Variants in FRMPD4 observed in about 807,000 individuals in gnomAD.
FRMPD4 encodes the protein FERM and PDZ domain-containing protein 4.
FRMPD4 carries 22 observed loss-of-function variants against 94.1 expected under a neutral mutation model. The ratio of observed to expected loss-of-function variants is 0.23; its 90% CI spans 0.17 to 0.33. The LOEUF is 0.33. Ranked by LOEUF, FRMPD4 falls within the 10% of genes least tolerant of loss-of-function variation. The pLI, the probability that FRMPD4 is intolerant of heterozygous loss-of-function variation, is 1.00. For missense variants in FRMPD4, 1,111 were observed against 1,339.9 expected, an observed-to-expected ratio of 0.83 and a Z score of 2.67; for synonymous variants, 631 against 548.6, an observed-to-expected ratio of 1.15 and a Z score of -2.10.
chrX:12,649,687 G>C (rs1317908570), intron 4 of FRMPD4, among the ~76,000 whole-genome samples: 2 of 112,555 alleles, frequency 1.8e-5, no homozygotes, highest in Non-Finnish European at 3.8e-5. Flanking sequence ...AAGAGTTCTT[G>C]AGAAATATTG....
At chrX:12,107,481 A>C (rs926275036) in intron 3 of FRMPD4, among the ~76,000 whole-genome samples, 1 of 112,136 alleles carries the variant, frequency 8.9e-6, no homozygotes, top group African/African-American at 3.2e-5. Flanking sequence ...AGATTGTAAA[A>C]ATCAGAGCGC....
intron 1 of FRMPD4, 85 bp from the exon 2 acceptor site, chrX:12,498,595 A>T (rs1484848302): frequency 1.7e-6 from 1 of 588,765 alleles, no homozygotes; most frequent in Admixed American, 2.2e-5. Context: ...TAAGAGGAGC[A>T]AGTCACATTC....
chrX:12,481,260 TCC>T (rs2057676936), intron 1 of FRMPD4, among the ~76,000 whole-genome samples: 1 of 110,951 alleles, frequency 9.0e-6, no homozygotes, highest in Non-Finnish European at 1.9e-5. Flanking sequence ...TCCCTCTACT[TCC>T]CCACTCTCCC....
At position 11,941,294 on chromosome X, in the gene FRMPD4, G is replaced by A. The variant is rs181795067; in HGVS notation, c.95+63276G>A. On this transcript the variant is annotated intron_variant, in intron 3 of 18. Coordinates refer to the FRMPD4 transcript ENST00000640291. ...CTGTAGACCGGAGCTGTTCCTATTC[G>A]GCCATCTTGGCTCCTCCCTCCCTGG... 0.014 allele frequency among the ~76,000 whole-genome samples: 757 copies of A among 54,252 alleles called. 177 individuals are homozygous for A. In the Admixed American group the frequency reaches 0.15, roughly 11 times the overall value. 47.1% of individuals were successfully genotyped at this position (54,252 alleles called of 115,157 possible). A position where few individuals can be genotyped will look rare whatever the true frequency, so the allele number is the denominator to read the frequency against.
chrX:11,919,829 A>G (rs769194503), intron 3 of FRMPD4, among the ~76,000 whole-genome samples: 7 of 112,398 alleles, frequency 6.2e-5, no homozygotes, highest in Non-Finnish European at 1.1e-4. Flanking sequence ...GTTTATACAC[A>G]GTAAAGAGTT....
At chrX:12,404,710 C>T (rs2056647856) in intron 1 of FRMPD4, among the ~76,000 whole-genome samples, 2 of 111,861 alleles carry the variant, frequency 1.8e-5, no homozygotes, top group East Asian at 2.8e-4. Context: ...TTCTTACAAC[C>T]AGCAAATAAT....
intron 3 of FRMPD4, among the ~76,000 whole-genome samples, chrX:12,006,232 A>G (rs2054553306): frequency 8.9e-6 from 1 of 112,245 alleles, no homozygotes; most frequent in Non-Finnish European, 1.9e-5. Context: ...CATACACTGA[A>G]CATTTACCCT....
intron 1 of FRMPD4, among the ~76,000 whole-genome samples, chrX:12,273,633 C>T (rs947564438): frequency 5.4e-5 from 6 of 111,928 alleles, no homozygotes; most frequent in African/African-American, 1.6e-4. Context: ...TCATTAGTGG[C>T]GGTGATATTT....
chrX:12,512,633 T>C (rs912370064), intron 2 of FRMPD4, among the ~76,000 whole-genome samples: 2 of 112,748 alleles, frequency 1.8e-5, no homozygotes, highest in Non-Finnish European at 3.7e-5. Flanking sequence ...TGATGGGCAT[T>C]TAGATTGATT....
intron 2 of FRMPD4, among the ~76,000 whole-genome samples, chrX:11,875,379 A>G (rs1470541235): frequency 8.9e-6 from 1 of 112,214 alleles, no homozygotes; most frequent in African/African-American, 3.2e-5. Context: ...TCTCAACATT[A>G]GTAAGAAACG....
At chrX:12,021,769 C>T (rs1450757888) in intron 3 of FRMPD4, among the ~76,000 whole-genome samples, 1 of 111,906 alleles carries the variant, frequency 8.9e-6, no homozygotes, top group African/African-American at 3.2e-5. Context: ...GTCCCGTTTT[C>T]ACATCAAGCA....
intron 1 of FRMPD4, among the ~76,000 whole-genome samples, chrX:12,387,104 T>C (rs2056406832): frequency 8.9e-6 from 1 of 112,466 alleles, no homozygotes; most frequent in Non-Finnish European, 1.9e-5. Flanking sequence ...TTCTTTTAAC[T>C]ACCGAGTTAA....
intron 4 of FRMPD4, among the ~76,000 whole-genome samples, chrX:12,668,126 A>G (rs73448814): frequency 0.014 from 1,619 of 111,862 alleles, 33 homozygotes; most frequent in African/African-American, 0.048. Flanking sequence ...CCTGATTCTA[A>G]TCATTCTGTT....
intron 1 of FRMPD4, among the ~76,000 whole-genome samples, chrX:12,474,487 AC>A (rs1214778341): frequency 8.9e-5 from 10 of 111,944 alleles, no homozygotes; most frequent in African/African-American, 3.2e-4. Context: ...AAATAGAGAC[AC>A]AAAAAACCCT....
In FRMPD4 at chrX:12,710,556, C is replaced by G; in HGVS notation, c.1609+19C>G. 1 of 1,179,061 alleles carries G rather than the reference C, an allele frequency of 8.5e-7. No individual in the cohort carries two copies. Among genetic ancestry groups the G allele is most frequent in the South Asian group, 1.8e-5 (1 of 54,721 alleles). ...GAAACAGGTATTCTCTTCCTGAACT[C>G]ATCAAGCACTGACCTCCCTGCAAAC... On this transcript the variant is annotated intron_variant, in intron 14 of 16. Coordinates refer to ENST00000675598, the MANE Select transcript of FRMPD4 (RefSeq NM_001368397.1).
intron 4 of FRMPD4, among the ~76,000 whole-genome samples, chrX:12,666,645 A>G (rs1273935371): frequency 4.5e-5 from 5 of 112,095 alleles, no homozygotes; most frequent in Admixed American, 1.9e-4. Flanking sequence ...CCACACAACT[A>G]CATGGAAACT....
intron 1 of FRMPD4, among the ~76,000 whole-genome samples, chrX:11,852,827 C>T (rs1281790623): frequency 8.9e-6 from 1 of 111,732 alleles, no homozygotes; most frequent in Non-Finnish European, 1.9e-5. Context: ...TAACACCCCA[C>T]TGAGAATATT....
chrX:12,692,326 C>T (rs894021643), intron 8 of FRMPD4, among the ~76,000 whole-genome samples: 2 of 112,285 alleles, frequency 1.8e-5, no homozygotes, highest in South Asian at 3.7e-4. Flanking sequence ...GAAAAGAAAA[C>T]GGATTTAAAT....
At chrX:11,838,610 C>T (rs987394510) in intron 1 of FRMPD4, among the ~76,000 whole-genome samples, 4 of 111,210 alleles carry the variant, frequency 3.6e-5, no homozygotes, top group South Asian at 7.5e-4. Context: ...TTCCCTTGAG[C>T]CCATTTGTAG....
Sources: gnomAD v4.1 joint callset for allele counts (sites outside exome capture counted in the v4.1 genomes callset) on GRCh38, gnomAD v4.1.1 for gene constraint, MANE v1.5 for transcripts, NCBI Gene and HGNC (gene_info 2026-07-23, HGNC 2026-07-21) for gene names.